The following SFXN2 variants were observed in gnomAD, a reference collection of about 807,000 sequenced individuals.
SFXN2 encodes the protein sideroflexin 2.
Under a neutral mutation model 41.9 loss-of-function variants are expected in SFXN2, and 37 were observed. The ratio of observed to expected loss-of-function variants is 0.88; its 90% CI spans 0.68 to 1.16. The LOEUF (loss-of-function observed/expected upper bound fraction) is 1.16. Among genes scored for constraint, SFXN2 ranks in the 50% most tolerant of loss-of-function variants. The pLI is 0.00. For synonymous variants in SFXN2, 150 were observed against 156.7 expected (o/e 0.96, Z 0.32); for missense variants, 386 against 425.2 (o/e 0.91, Z 0.81).
At chr10:102,730,323 G>A (rs946774807) in intron 6 of SFXN2, among the ~76,000 whole-genome samples, 1 of 152,294 alleles carries the variant, frequency 6.6e-6, no homozygotes, top group Non-Finnish European at 1.5e-5. Context: ...TTCTTGACTA[G>A]AGAAATCTCT....
At chr10:102,737,612 C>A in intron 11 of SFXN2, 51 bp from the exon 12 acceptor site, 1 of 1,244,160 alleles carries the variant, frequency 8.0e-7, no homozygotes, top group Non-Finnish European at 1.2e-6. Context: ...CTGAGGGTAA[C>A]TTACTGCTTG....
intron 1 of SFXN2, among the ~76,000 whole-genome samples, chr10:102,718,314 C>T (rs1035621989): frequency 3.9e-5 from 6 of 152,212 alleles, no homozygotes; most frequent in Non-Finnish European, 7.3e-5. Context: ...GAGGGGGAGG[C>T]ATAGCATTTT....
chr10:102,728,420 C>G lies in SFXN2; in HGVS notation c.333-11C>G. ...CTTCTCTCTGCCTCTCCTGGCCTTC[C>G]TCACTGGTAGGACGATGCCGGCGGT... On this transcript the variant is annotated splice_polypyrimidine_tract_variant and intron_variant, in intron 3 of 11. Transcript: ENST00000369893. The G allele has an allele frequency of 6.2e-7, 1 of 1,613,824 alleles. No individual in the cohort carries two copies. The highest frequency in any genetic ancestry group is 8.5e-7 in the Non-Finnish European group (1 of 1,179,698).
chr10:102,723,389 T>C (rs1354301960), intron 1 of SFXN2, among the ~76,000 whole-genome samples: 1 of 151,790 alleles, frequency 6.6e-6, no homozygotes, highest in Non-Finnish European at 1.5e-5. Flanking sequence ...ATTGCTGAGA[T>C]AACGGGCACC....
chr10:102,736,881 G>A (rs1456952729), intron 11 of SFXN2, among the ~76,000 whole-genome samples: 11 of 151,556 alleles, frequency 7.3e-5, no homozygotes, highest in Non-Finnish European at 1.2e-4. Context: ...GGGGCTGGTC[G>A]TGGTGGCTCA....
At position 102,738,853 on chromosome 10, in the gene SFXN2, A is replaced by T. The variant is rs1201568166; in HGVS notation, c.*1091A>T. On this transcript the variant is annotated 3_prime_UTR_variant, in exon 12 of 12. Coordinates refer to ENST00000369893, the MANE Select transcript of SFXN2 (RefSeq NM_178858.6). Reference sequence around the variant, plus strand: ...GCATTAACCACACACTTTAATGGGTATAATTTCCTGGCTGCCTCCCTTCCT... The same window carrying T: ...GCATTAACCACACACTTTAATGGGTTTAATTTCCTGGCTGCCTCCCTTCCT... 6.5e-6 allele frequency: 1 copy of T among 152,704 alleles called. No individual in the cohort carries two copies. Among genetic ancestry groups the T allele is most frequent in the East Asian group, 1.9e-4 (1 of 5,202 alleles). 9.5% of individuals were successfully genotyped at this position (152,704 alleles called of 1,614,324 possible).
intron 1 of SFXN2, among the ~76,000 whole-genome samples, chr10:102,717,169 T>C (rs1348422208): frequency 1.4e-5 from 2 of 140,466 alleles, no homozygotes; most frequent in Admixed American, 7.9e-5. Flanking sequence ...TCTCGCTCTG[T>C]CACCCAGACT....
In SFXN2 at chr10:102,732,064, C is replaced by T. The variant is rs2064712433; in HGVS notation, c.655-88C>T. 1.5e-5 allele frequency: 19 copies of T among 1,278,662 alleles called. No individual in the cohort carries two copies. The South Asian group carries it at 2.3e-4, about 16-fold the overall frequency. The allele number at this position is 1,278,662 out of a possible 1,614,324, so 79.2% of individuals were successfully genotyped here. Reference sequence around the variant, plus strand: ...TTCCCTTCCCCTTTACCATCTCAGACTTGGCCATGATGCTGACCCAGCCCC... The same window carrying T: ...TTCCCTTCCCCTTTACCATCTCAGATTTGGCCATGATGCTGACCCAGCCCC... On this transcript the variant is annotated intron_variant, in intron 7 of 11. Coordinates refer to ENST00000369893, the MANE Select transcript of SFXN2 (RefSeq NM_178858.6).
chr10:102,727,159 T>G lies in SFXN2; in HGVS notation c.332+2T>G. 1 of 1,593,380 alleles carries G rather than the reference T, an allele frequency of 6.3e-7. No individual in the cohort carries two copies. The highest frequency in any genetic ancestry group is 8.6e-7 in the Non-Finnish European group (1 of 1,162,578). The stretch of plus-strand genomic sequence containing the variant: ...GGGCTTCATGCTCCAGTTCTACAGG[T>G]GGGACCTGGGGGCAGGGCCGTGGGA... On this transcript the variant is annotated splice_donor_variant, in intron 3 of 11. Coordinates refer to ENST00000369893, the MANE Select transcript of SFXN2 (RefSeq NM_178858.6). LOFTEE classifies it high-confidence loss of function.
rs2064802817 is a variant in SFXN2 at position 102,737,881 on chromosome 10, G to C, written c.*119G>C. 1.5e-6 allele frequency: 1 copy of C among 655,480 alleles called. No individual in the cohort carries two copies. The highest frequency in any genetic ancestry group is 2.6e-6 in the Non-Finnish European group (1 of 380,064). The allele number at this position is 655,480 out of a possible 1,614,324, so 40.6% of individuals were successfully genotyped here. ...AAGGCCTGAAGGCCAGGGTAGATTG[G>C]GGGGTGGGACAATGAATGCCTCATA... On this transcript the variant is annotated 3_prime_UTR_variant, in exon 12 of 12. Transcript: ENST00000369893.
chr10:102,720,291 C>A (rs1590138446), intron 1 of SFXN2, among the ~76,000 whole-genome samples: 6 of 48,786 alleles, frequency 1.2e-4, no homozygotes, highest in Admixed American at 3.2e-4. Context: ...GACTCCCTCT[C>A]AAAAAAAAAA....
chr10:102,731,829 C>T (rs1195001932), intron 7 of SFXN2, 46 bp downstream of exon 7: 2 of 1,539,730 alleles, frequency 1.3e-6, no homozygotes, highest in South Asian at 1.1e-5. Context: ...AATTCCCTCT[C>T]ATACCCTGTC....
At chr10:102,724,786 A>G (rs1219515714) in intron 1 of SFXN2, 1 of 152,152 alleles carries the variant, frequency 6.6e-6, no homozygotes, top group Admixed American at 6.6e-5. Flanking sequence ...TCCTTAGAAT[A>G]TTAACCATCG....
intron 3 of SFXN2, among the ~76,000 whole-genome samples, 167 bp from the exon 4 acceptor site, chr10:102,728,264 A>G (rs1297019208): frequency 1.3e-5 from 2 of 152,114 alleles, no homozygotes; most frequent in Non-Finnish European, 2.9e-5. Flanking sequence ...GTACCACTGC[A>G]CTCCAGCCTG....
At chr10:102,733,041 A>G (rs1255904104) in intron 9 of SFXN2, 133 bp downstream of exon 9, 2 of 892,062 alleles carry the variant, frequency 2.2e-6, no homozygotes, top group East Asian at 2.5e-5. Flanking sequence ...ACTCAAGCCC[A>G]CACCAATCTC....
In SFXN2 at chr10:102,734,202, G is replaced by A. The variant is rs2064742099; in HGVS notation, c.821+599G>A. 1.3e-5 allele frequency among the ~76,000 whole-genome samples: 2 copies of A among 152,144 alleles called. No homozygotes were observed. The highest frequency in any genetic ancestry group is 6.6e-5 in the Admixed American group (1 of 15,266). ...GCAGTTTTACAGAAGAGATAAGAAC[G>A]AGGAGACATAGCTTTGGCTGGGACT... On this transcript the variant is annotated intron_variant, in intron 10 of 11. Coordinates refer to ENST00000369893, the MANE Select transcript of SFXN2 (RefSeq NM_178858.6). The surrounding 1 kb of genome is among the most constrained non-coding windows in gnomAD (Gnocchi z 4.1).
intron 1 of SFXN2, among the ~76,000 whole-genome samples, chr10:102,722,991 G>A (rs1034840977): frequency 2.3e-5 from 3 of 131,170 alleles, no homozygotes; most frequent in Admixed American, 8.8e-5. Context: ...GAGTGCAGTG[G>A]CTTGATCTTG....
Position 102,726,999 on chromosome 10 carries a change from G to A in SFXN2, c.174G>A (p.Val58=), listed in dbSNP as rs764897657. The change falls in exon 3 of 12, where the codon GTG becomes GTA. Residue 58 remains valine, a synonymous_variant. Coordinates refer to ENST00000369893, the MANE Select transcript of SFXN2 (RefSeq NM_178858.6). The part of the protein sequence containing the change: ...VMVEKSRMGV[V]PPGTQVEQLL... Reference sequence around the variant, plus strand: ...CCTTGGGTGGCAGGATGGGGGTTGTGCCCCCAGGCACCCAAGTGGAGCAGC... The same window carrying A: ...CCTTGGGTGGCAGGATGGGGGTTGTACCCCCAGGCACCCAAGTGGAGCAGC... 1.9e-6 allele frequency: 3 copies of A among 1,598,390 alleles called. No individual in the cohort carries two copies. The highest frequency in any genetic ancestry group is 1.3e-5 in the African/African-American group (1 of 74,772).
Position 102,732,896 on chromosome 10 carries a change from G to T in SFXN2, c.759G>T (p.Leu253Phe). The T allele has an allele frequency of 1.2e-6, 2 of 1,614,076 alleles. No homozygotes were observed. The highest frequency in any genetic ancestry group is 1.7e-6 in the Non-Finnish European group (2 of 1,180,004). Residue 253 changes from leucine to phenylalanine, a missense_variant, in exon 9 of 12, where the codon TTG becomes TTT. Physicochemically the swap from Leu to Phe is conservative, Grantham distance 22 (BLOSUM62 0). Coordinates refer to ENST00000369893, the MANE Select transcript of SFXN2 (RefSeq NM_178858.6). ...LPVIMERLEKLHFMQKVKVLH... is the reference protein window; with the variant it reads ...LPVIMERLEKFHFMQKVKVLH... ...TCATCATGGAAAGGCTTGAGAAATT[G>T]CACTTCATGCAGGTATGTAGGGTTT... is the stretch of plus-strand genomic sequence containing the variant.
Sources: gnomAD v4.1 joint callset for allele counts (sites outside exome capture counted in the v4.1 genomes callset) on GRCh38, gnomAD v4.1.1 for gene constraint, Gnocchi (gnomAD v3.1) non-coding constraint, MANE v1.5 for transcripts, NCBI Gene and HGNC (gene_info 2026-07-23, HGNC 2026-07-21) for gene names.